The following PLD5 variants were observed in gnomAD, a reference collection of about 807,000 sequenced individuals.
PLD5 encodes the protein inactive phospholipase D5.
PLD5 carries 36 observed loss-of-function variants against 61.1 expected under a neutral mutation model. That is an observed-to-expected ratio of 0.59 (90% CI 0.45 to 0.78). The LOEUF is 0.78. PLD5 is among the 30% of genes least tolerant of loss of function. The pLI is 0.00. For missense variants in PLD5, 515 were observed against 644.4 expected (o/e 0.80, Z 2.17); for synonymous variants, 243 against 242.8 (o/e 1.00, Z -0.01).
intron 1 of PLD5, among the ~76,000 whole-genome samples, chr1:242,387,651 T>C (rs370691374): frequency 2.0e-3 from 103 of 51,192 alleles, no homozygotes; most frequent in Non-Finnish European, 3.6e-3. Flanking sequence ...ATTTTATCTA[T>C]TTTATATAAA....
At chr1:242,235,692 G>A (rs149093706) in intron 4 of PLD5, 18 of 152,292 alleles carry the variant, frequency 1.2e-4, no homozygotes, top group African/African-American at 3.8e-4. Flanking sequence ...AGCTGGAGTA[G>A]GAACCTGCTG....
At chr1:242,171,732 C>T (rs760736639) in intron 5 of PLD5, among the ~76,000 whole-genome samples, 10 of 149,592 alleles carry the variant, frequency 6.7e-5, no homozygotes, top group Non-Finnish European at 1.3e-4. Flanking sequence ...AAAAAAAGAG[C>T]AGGAGTTGCA....
At chr1:242,160,268 A>G (rs951259266) in intron 5 of PLD5, among the ~76,000 whole-genome samples, 1 of 152,138 alleles carries the variant, frequency 6.6e-6, no homozygotes. Flanking sequence ...TGACTTTCCC[A>G]CCTCAGCCTC....
chr1:242,217,223 C>A (rs2148999764), intron 5 of PLD5, among the ~76,000 whole-genome samples: 1 of 152,334 alleles, frequency 6.6e-6, no homozygotes, highest in South Asian at 2.1e-4. Context: ...ACTTTCAAGT[C>A]TTTTGGAAGG....
intron 8 of PLD5, among the ~76,000 whole-genome samples, chr1:242,103,036 G>T (rs1660801622): frequency 6.6e-6 from 1 of 152,200 alleles, no homozygotes; most frequent in Non-Finnish European, 1.5e-5. Flanking sequence ...TGCTGTGGGG[G>T]TCAAGAAACA....
intron 5 of PLD5, among the ~76,000 whole-genome samples, chr1:242,166,504 A>C (rs996626547): frequency 6.6e-6 from 1 of 151,920 alleles, no homozygotes; most frequent in Non-Finnish European, 1.5e-5. Flanking sequence ...TGATGGGAGC[A>C]CTGCATACCT....
intron 1 of PLD5, among the ~76,000 whole-genome samples, chr1:242,509,767 A>G (rs1167754423): frequency 6.6e-6 from 1 of 152,216 alleles, no homozygotes; most frequent in Non-Finnish European, 1.5e-5. Context: ...ATAAGCCACC[A>G]ATACGCCAAC....
chr1:242,395,085 A>ATATATGAATATATATGTATG lies in PLD5; in HGVS notation c.190-46863_190-46844dup, dbSNP rs1393612537. Among the ~76,000 whole-genome samples the ATATATGAATATATATGTATG allele has an allele frequency of 5.2e-4, 75 of 143,334 alleles. 2 individuals are homozygous for ATATATGAATATATATGTATG. Among genetic ancestry groups the ATATATGAATATATATGTATG allele is most frequent in the East Asian group, 3.8e-3 (18 of 4,746 alleles). The allele number at this position is 143,334 out of a possible 152,430, so 94.0% of individuals were successfully genotyped here. A position where few individuals can be genotyped will look rare whatever the true frequency, so the allele number is the denominator to read the frequency against. ...TGTATATATATGAATATATATGTAT[A>ATATATGAATATATATGTATG]TATATGAATATATATGTATGTATAT... On this transcript the variant is annotated intron_variant, in intron 1 of 9. Transcript: ENST00000536534.
intron 5 of PLD5, among the ~76,000 whole-genome samples, chr1:242,207,800 T>A (rs7525397): frequency 1.2e-5 from 1 of 86,128 alleles, no homozygotes; most frequent in Non-Finnish European, 2.1e-5. Flanking sequence ...TTATATATAT[T>A]TATATATATT....
intron 5 of PLD5, among the ~76,000 whole-genome samples, chr1:242,170,760 A>G (rs1666690136): frequency 6.6e-6 from 1 of 152,208 alleles, no homozygotes; most frequent in Non-Finnish European, 1.5e-5. Context: ...CGTGAAGCAT[A>G]CATGAGTATT....
At chr1:242,257,938 C>T (rs1419941151) in intron 4 of PLD5, among the ~76,000 whole-genome samples, 1 of 152,128 alleles carries the variant, frequency 6.6e-6, no homozygotes, top group African/African-American at 2.4e-5. Context: ...GTTTGCTATC[C>T]CTCTTCTTTT....
intron 3 of PLD5, among the ~76,000 whole-genome samples, chr1:242,267,152 G>C (rs1673734457): frequency 6.7e-6 from 1 of 149,408 alleles, no homozygotes; most frequent in Non-Finnish European, 1.5e-5. Context: ...AAAAAAGAGA[G>C]AGAAAAGAGA....
intron 5 of PLD5, among the ~76,000 whole-genome samples, chr1:242,203,959 G>A (rs548105328): frequency 2.0e-5 from 3 of 152,176 alleles, no homozygotes; most frequent in East Asian, 1.9e-4. Context: ...GTCTTAGGCC[G>A]GTTGCGGTGG....
chr1:242,371,138 G>C (rs1417667621), intron 1 of PLD5, among the ~76,000 whole-genome samples: 3 of 152,136 alleles, frequency 2.0e-5, no homozygotes, highest in Non-Finnish European at 4.4e-5. Flanking sequence ...GGTGTAACTG[G>C]CAAGTAATGA....
At chr1:242,145,834 C>A (rs1406507390) in intron 5 of PLD5, among the ~76,000 whole-genome samples, 2 of 152,256 alleles carry the variant, frequency 1.3e-5, no homozygotes, top group Admixed American at 6.5e-5. Context: ...CAGCACCACA[C>A]CCAGCTAATT....
intron 6 of PLD5, among the ~76,000 whole-genome samples, chr1:242,120,237 C>T (rs2800756): frequency 0.86 from 130,684 of 152,222 alleles, 56,427 homozygotes; most frequent in African/African-American, 0.95. Context: ...GTTCTAAAAT[C>T]AGATTGTAGA....
chr1:242,344,570 A>G (rs1482905059), intron 2 of PLD5, among the ~76,000 whole-genome samples: 2 of 152,220 alleles, frequency 1.3e-5, no homozygotes, highest in Admixed American at 1.3e-4. Flanking sequence ...GGAGATAATT[A>G]ACATTTGCAT....
chr1:242,341,557 T>TAC (rs57267218), intron 2 of PLD5, among the ~76,000 whole-genome samples: 5 of 2,622 alleles, frequency 1.9e-3, no homozygotes, highest in Non-Finnish European at 7.6e-3. Context: ...ATAAAAAGTC[T>TAC]GTGTGAAGGG....
chr1:242,517,336 T>A (rs915114514), intron 1 of PLD5, among the ~76,000 whole-genome samples: 1 of 152,248 alleles, frequency 6.6e-6, no homozygotes, highest in African/African-American at 2.4e-5. Flanking sequence ...AAGAAATGGT[T>A]TATCGGAATA....
Sources: gnomAD v4.1 joint callset for allele counts (sites outside exome capture counted in the v4.1 genomes callset) on GRCh38, gnomAD v4.1.1 for gene constraint, MANE v1.5 for transcripts, NCBI Gene and HGNC (gene_info 2026-07-23, HGNC 2026-07-21) for gene names.